The following SYNPR variants were observed in gnomAD, a reference collection of about 807,000 sequenced individuals.
SYNPR encodes the protein synaptoporin.
Under a neutral mutation model 32.9 loss-of-function variants are expected in SYNPR, and 23 were observed. That is an observed-to-expected ratio of 0.70 (90% CI 0.50 to 0.99). The LOEUF is 0.99. Ranked by LOEUF, SYNPR falls within the 50% of genes least tolerant of loss-of-function variation. SYNPR has a pLI of 0.00. For missense variants in SYNPR, 318 were observed against 349.3 expected (o/e 0.91, Z 0.71); for synonymous variants, 146 against 135.9 (o/e 1.07, Z -0.52).
At chr3:63,476,817 T>C (rs1297936988) in intron 2 of SYNPR, among the ~76,000 whole-genome samples, 2 of 152,168 alleles carry the variant, frequency 1.3e-5, no homozygotes, top group African/African-American at 4.8e-5. Flanking sequence ...ATTATTTTAT[T>C]TGTATGTGCT....
intron 3 of SYNPR, among the ~76,000 whole-genome samples, chr3:63,503,546 T>C (rs1035536059): frequency 7.2e-5 from 11 of 152,156 alleles, no homozygotes; most frequent in African/African-American, 2.7e-4. Flanking sequence ...TAATCTCAAC[T>C]CTTTTTTACT....
At chr3:63,356,143 T>C (rs1198255740) in intron 2 of SYNPR, among the ~76,000 whole-genome samples, 6 of 152,236 alleles carry the variant, frequency 3.9e-5, no homozygotes, top group Non-Finnish European at 7.3e-5. Flanking sequence ...TAAATTTTTT[T>C]TCACTGTCTG....
intron 2 of SYNPR, among the ~76,000 whole-genome samples, chr3:63,477,036 C>T (rs955139266): frequency 2.0e-5 from 3 of 152,222 alleles, no homozygotes; most frequent in East Asian, 1.9e-4. Flanking sequence ...GTGATTTGCC[C>T]GGTGTCACAC....
At chr3:63,481,197 G>T (rs1701041915) in intron 3 of SYNPR, among the ~76,000 whole-genome samples, 1 of 152,004 alleles carries the variant, frequency 6.6e-6, no homozygotes, top group Non-Finnish European at 1.5e-5. Flanking sequence ...AAAAATACTT[G>T]CTACAAAGAG....
intron 3 of SYNPR, among the ~76,000 whole-genome samples, chr3:63,488,581 C>T (rs1381542799): frequency 2.0e-5 from 3 of 152,274 alleles, no homozygotes; most frequent in Non-Finnish European, 4.4e-5. Context: ...GCAGTAATAC[C>T]AGTACCTTCC....
chr3:63,453,266 A>T (rs532989452), intron 2 of SYNPR, among the ~76,000 whole-genome samples: 1 of 152,124 alleles, frequency 6.6e-6, no homozygotes, highest in East Asian at 1.9e-4. Flanking sequence ...AAATGACCTC[A>T]GCTCTCTTCA....
intron 2 of SYNPR, among the ~76,000 whole-genome samples, chr3:63,346,846 T>C (rs985215775): frequency 1.3e-5 from 2 of 152,242 alleles, no homozygotes; most frequent in Non-Finnish European, 2.9e-5. Context: ...ATTGAGGTTA[T>C]TTCAGAAATA....
chr3:63,568,565 C>T (rs1702833479), intron 4 of SYNPR, among the ~76,000 whole-genome samples: 1 of 152,078 alleles, frequency 6.6e-6, no homozygotes, highest in Admixed American at 6.5e-5. Flanking sequence ...AATCAAAGTC[C>T]CCTCTTGAAT....
intron 3 of SYNPR, among the ~76,000 whole-genome samples, chr3:63,497,271 C>G (rs1299652747): frequency 6.6e-6 from 1 of 152,024 alleles, no homozygotes; most frequent in Non-Finnish European, 1.5e-5. Flanking sequence ...TCTTAACAAC[C>G]CTCATTAAAT....
intron 1 of SYNPR, among the ~76,000 whole-genome samples, chr3:63,239,521 T>TCTGCACCATCCTACCATTGTCACC (rs1329464234): frequency 6.7e-6 from 1 of 150,010 alleles, no homozygotes; most frequent in African/African-American, 2.4e-5. Flanking sequence ...TGGTAGGATA[T>TCTGCACCATCCTACCATTGTCACC]CAGGTGTGTC....
intron 4 of SYNPR, among the ~76,000 whole-genome samples, chr3:63,578,716 C>T (rs931343717): frequency 9.2e-5 from 14 of 152,048 alleles, no homozygotes; most frequent in African/African-American, 3.4e-4. Context: ...GTAGTTTTTT[C>T]TTCTGTATAA....
chr3:63,523,733 T>C (rs1177196795), intron 3 of SYNPR, among the ~76,000 whole-genome samples: 1 of 152,170 alleles, frequency 6.6e-6, no homozygotes, highest in East Asian at 1.9e-4. Flanking sequence ...GTTTTGTTTG[T>C]TTGTTTGTTT....
intron 4 of SYNPR, among the ~76,000 whole-genome samples, chr3:63,569,483 T>TA (rs890212042): frequency 2.6e-5 from 4 of 152,116 alleles, no homozygotes; most frequent in African/African-American, 7.2e-5. Flanking sequence ...TCCCAGAGAA[T>TA]AAAAAAACTA....
At chr3:63,318,667 CA>C (rs2106964511) in intron 2 of SYNPR, among the ~76,000 whole-genome samples, 1 of 152,048 alleles carries the variant, frequency 6.6e-6, no homozygotes, top group African/African-American at 2.4e-5. Context: ...CTTCTTGTAT[CA>C]TTTTTTTGGA....
chr3:63,357,337 T>A (rs1330275384), intron 2 of SYNPR, among the ~76,000 whole-genome samples: 1 of 152,142 alleles, frequency 6.6e-6, no homozygotes, highest in Admixed American at 6.6e-5. Flanking sequence ...TCTCTCTCTT[T>A]TTTTCTCTCT....
At chr3:63,453,244 C>T (rs1559503697) in intron 2 of SYNPR, among the ~76,000 whole-genome samples, 2 of 152,224 alleles carry the variant, frequency 1.3e-5, no homozygotes, top group South Asian at 2.1e-4. Context: ...ATTTTCTTTG[C>T]CTTTTCAGTG....
chr3:63,338,546 G>T (rs1204663223), intron 2 of SYNPR, among the ~76,000 whole-genome samples: 2 of 152,148 alleles, frequency 1.3e-5, no homozygotes, highest in Non-Finnish European at 2.9e-5. Context: ...GATCCAAGTG[G>T]ATCCTTGCCA....
the SYNPR span, among the ~76,000 whole-genome samples, chr3:63,204,694 T>C: frequency 6.6e-5 from 10 of 151,986 alleles, no homozygotes; most frequent in Non-Finnish European, 1.3e-4. Flanking sequence ...ATTTTTTTTT[T>C]CTTTTTTTTG....
At chr3:63,355,219 C>T (rs1157821423) in intron 2 of SYNPR, among the ~76,000 whole-genome samples, 4 of 149,642 alleles carry the variant, frequency 2.7e-5, no homozygotes, top group Non-Finnish European at 5.9e-5. Flanking sequence ...GTGGAGGTTG[C>T]GGTGAGCCAA....
Sources: gnomAD v4.1 joint callset for allele counts (sites outside exome capture counted in the v4.1 genomes callset) on GRCh38, gnomAD v4.1.1 for gene constraint, MANE v1.5 for transcripts, NCBI Gene and HGNC (gene_info 2026-07-23, HGNC 2026-07-21) for gene names.